SH3KBP1: variants seen among roughly 807,000 people sequenced by gnomAD.
The protein encoded by SH3KBP1 is SH3 domain containing kinase binding protein 1.
SH3KBP1 carries 8 observed loss-of-function variants against 50.1 expected under a neutral mutation model. That is an observed-to-expected ratio of 0.16 (90% CI 0.09 to 0.29). The LOEUF (loss-of-function observed/expected upper bound fraction) is 0.29. Ranked by LOEUF, SH3KBP1 falls within the 10% of genes least tolerant of loss-of-function variation. The probability of loss-of-function intolerance (pLI) is 1.00; values close to 1 mark genes in which losing one functional copy is unlikely to be tolerated. For synonymous variants in SH3KBP1, 227 were observed against 218.6 expected, an observed-to-expected ratio of 1.04 and a Z score of -0.34; for missense variants, 377 against 535.2, an observed-to-expected ratio of 0.70 and a Z score of 2.92.
At chrX:19,855,184 A>G (rs749741618) in intron 1 of SH3KBP1, among the ~76,000 whole-genome samples, 3 of 111,019 alleles carry the variant, frequency 2.7e-5, no homozygotes, top group South Asian at 3.8e-4. Context: ...GGGTTTCACC[A>G]TGTTGGCCAG....
chrX:19,885,388 T>C (rs901168642), intron 1 of SH3KBP1, among the ~76,000 whole-genome samples: 5 of 111,892 alleles, frequency 4.5e-5, no homozygotes, highest in African/African-American at 1.6e-4. Flanking sequence ...TTACATTCGT[T>C]TTGACATTAT....
chrX:19,653,763 T>TACACACACACAC (rs60424271), intron 6 of SH3KBP1, among the ~76,000 whole-genome samples: 1 of 80,262 alleles, frequency 1.2e-5, no homozygotes, highest in Non-Finnish European at 2.5e-5. Flanking sequence ...TATGTCTAAA[T>TACACACACACAC]ACACACACAC....
At chrX:19,756,872 TAA>T (rs10707274) in intron 2 of SH3KBP1, among the ~76,000 whole-genome samples, 144 of 85,465 alleles carry the variant, frequency 1.7e-3, no homozygotes, top group Admixed American at 1.7e-3. Context: ...GTTGCTAGGT[TAA>T]AAAAAAAAAA....
chrX:19,742,714 G>C (rs1439317029), intron 3 of SH3KBP1, among the ~76,000 whole-genome samples: 1 of 110,988 alleles, frequency 9.0e-6, no homozygotes, highest in Non-Finnish European at 1.9e-5. Context: ...CTCTTTTATG[G>C]GTTTAATGAT....
chrX:19,562,797 T>C (rs1016663388), intron 13 of SH3KBP1, among the ~76,000 whole-genome samples: 1 of 111,806 alleles, frequency 8.9e-6, no homozygotes, highest in Non-Finnish European at 1.9e-5. Context: ...GCCATCTGAA[T>C]TGATGCTCCC....
intron 2 of SH3KBP1, among the ~76,000 whole-genome samples, chrX:19,753,386 TA>T (rs759177836): frequency 8.9e-6 from 1 of 111,946 alleles, no homozygotes; most frequent in East Asian, 2.8e-4. Context: ...TAAAAATCAC[TA>T]AAAACAAACA....
At chrX:19,807,232 A>G (rs930546622) in intron 2 of SH3KBP1, among the ~76,000 whole-genome samples, 3 of 112,285 alleles carry the variant, frequency 2.7e-5, no homozygotes, top group Non-Finnish European at 5.6e-5. Context: ...TTGTCCCTCA[A>G]AATGGAGGAA....
chrX:19,802,964 G>C (rs1393363753), intron 2 of SH3KBP1, among the ~76,000 whole-genome samples: 1 of 111,356 alleles, frequency 9.0e-6, no homozygotes, highest in Non-Finnish European at 1.9e-5. Flanking sequence ...GGGGGCGTGA[G>C]AGCCAGAGGC....
At chrX:19,855,914 T>G (rs1371690987) in intron 1 of SH3KBP1, among the ~76,000 whole-genome samples, 2 of 111,549 alleles carry the variant, frequency 1.8e-5, no homozygotes, top group Non-Finnish European at 3.8e-5. Flanking sequence ...GATTTTTTTC[T>G]TCTAATTGTT....
intron 1 of SH3KBP1, among the ~76,000 whole-genome samples, chrX:19,853,651 C>T (rs1276363563): frequency 9.0e-6 from 1 of 111,437 alleles, no homozygotes; most frequent in East Asian, 2.8e-4. Context: ...CTCTCACCTA[C>T]ACAACATTCC....
chrX:19,782,076 G>C (rs1318222153), intron 2 of SH3KBP1, among the ~76,000 whole-genome samples: 1 of 111,429 alleles, frequency 9.0e-6, no homozygotes, highest in South Asian at 3.8e-4. Flanking sequence ...TTGGGGAAAG[G>C]GTCCTTGCTG....
chrX:19,714,467 T>C (rs1447517990), intron 3 of SH3KBP1, among the ~76,000 whole-genome samples: 1 of 110,031 alleles, frequency 9.1e-6, no homozygotes, highest in Admixed American at 9.8e-5. Context: ...CCCATAAATA[T>C]ATACACCTAT....
At chrX:19,874,009 A>G (rs1252249800) in intron 1 of SH3KBP1, among the ~76,000 whole-genome samples, 1 of 91,962 alleles carries the variant, frequency 1.1e-5, no homozygotes, top group Non-Finnish European at 2.1e-5. Flanking sequence ...AGATCATGCC[A>G]TTGCACTCCA....
intron 2 of SH3KBP1, among the ~76,000 whole-genome samples, chrX:19,800,183 T>C (rs1386177657): frequency 8.9e-6 from 1 of 112,313 alleles, no homozygotes; most frequent in Admixed American, 9.4e-5. Flanking sequence ...AAACGTTCAT[T>C]ACTTACATGT....
intron 12 of SH3KBP1, among the ~76,000 whole-genome samples, chrX:19,587,210 G>T (rs1156924672): frequency 1.1e-5 from 1 of 90,263 alleles, no homozygotes; most frequent in East Asian, 3.4e-4. Flanking sequence ...CAACAAGAGC[G>T]AAACTCTGCC....
intron 4 of SH3KBP1, among the ~76,000 whole-genome samples, chrX:19,699,761 G>A (rs778718070): frequency 3.7e-4 from 41 of 111,979 alleles, no homozygotes; most frequent in African/African-American, 1.1e-3. Flanking sequence ...GCAAACACCT[G>A]GGTGAACTTC....
chrX:19,831,511 A>C (rs2067885644), intron 2 of SH3KBP1, among the ~76,000 whole-genome samples: 1 of 104,836 alleles, frequency 9.5e-6, no homozygotes, highest in African/African-American at 3.5e-5. Context: ...GGGATTCCTG[A>C]CCGGGTGTGG....
chrX:19,756,026 G>A (rs2065200317), intron 2 of SH3KBP1, among the ~76,000 whole-genome samples: 1 of 110,612 alleles, frequency 9.0e-6, no homozygotes, highest in African/African-American at 3.3e-5. Context: ...TCTTGCCGAT[G>A]CTCCTGGCCG....
At chrX:19,783,394 G>A (rs1320392386) in intron 2 of SH3KBP1, among the ~76,000 whole-genome samples, 1 of 111,650 alleles carries the variant, frequency 9.0e-6, no homozygotes, top group Non-Finnish European at 1.9e-5. Context: ...GCATTTGTTC[G>A]TGCTTGAAAC....
Sources: gnomAD v4.1 joint callset for allele counts (sites outside exome capture counted in the v4.1 genomes callset) on GRCh38, gnomAD v4.1.1 for gene constraint, MANE v1.5 for transcripts, NCBI Gene and HGNC (gene_info 2026-07-23, HGNC 2026-07-21) for gene names.